The following ZBTB21 variants were observed in gnomAD, a reference collection of about 807,000 sequenced individuals.
ZBTB21 encodes the protein zinc finger and BTB domain-containing protein 21.
Under a neutral mutation model 39.8 loss-of-function variants are expected in ZBTB21, and 10 were observed. That is an observed-to-expected ratio of 0.25 (90% CI 0.16 to 0.43). The LOEUF (loss-of-function observed/expected upper bound fraction) is 0.43. ZBTB21 is among the 20% of genes least tolerant of loss of function. The pLI, the probability that ZBTB21 is intolerant of heterozygous loss-of-function variation, is 1.00. For missense variants in ZBTB21, 1,221 were observed against 1,296.3 expected, an observed-to-expected ratio of 0.94 and a Z score of 0.89; for synonymous variants, 551 against 498.8, an observed-to-expected ratio of 1.10 and a Z score of -1.40.
rs752582759 is a variant in ZBTB21, at chr21:41,992,119, C to T, written c.1977G>A (p.Lys659=). The T allele has an allele frequency of 5.1e-5, 83 of 1,614,082 alleles. No individual in the cohort carries two copies. Among genetic ancestry groups the T allele is most frequent in the Non-Finnish European group, 6.5e-5 (77 of 1,180,016 alleles). Residue 659 remains lysine (K), a synonymous_variant, in exon 3 of 3, where the codon AAG becomes AAA. Transcript: ENST00000310826. This position sits in a 1 kb window ranked among gnomAD's most constrained non-coding sequence, Gnocchi z 4.1. ...QSSSQAQQVI[K]RNLRSRAKGA... is the part of the protein sequence containing the mutation. ...CTTTGGCTCGAGATCTCAAGTTCCT[C>T]TTGATGACTTGCTGTGCTTGGGAGC...
chr21:41,997,575 C>CAAAAAAAAAAAAACAA (rs2065764079), intron 2 of ZBTB21, among the ~76,000 whole-genome samples: 1 of 117,860 alleles, frequency 8.5e-6, no homozygotes, highest in Non-Finnish European at 1.8e-5. Flanking sequence ...GACGTTGTCT[C>CAAAAAAAAAAAAACAA]AAAAAAAAAA....
rs1337773185 is a variant in ZBTB21 at position 41,990,384 on chromosome 21, G to T, written c.*511C>A. 1.3e-5 allele frequency: 2 copies of T among 152,526 alleles called. No individual in the cohort carries two copies. Among genetic ancestry groups the T allele is most frequent in the Non-Finnish European group, 2.9e-5 (2 of 68,016 alleles). The allele number at this position is 152,526 out of a possible 1,614,324, so 9.4% of individuals were successfully genotyped here. ...AATATTTATTTTTATCAAGTGTCAG[G>T]ATAACTTATTAAAGTTGAGATTTAT... On this transcript the variant is annotated 3_prime_UTR_variant, in exon 3 of 3. Coordinates refer to ENST00000310826, the MANE Select transcript of ZBTB21 (RefSeq NM_001098402.2).
rs1170489222 is a variant in ZBTB21, at chr21:41,992,769, T to C, written c.1327A>G (p.Ile443Val). ...GCATCTCCCACAGTGACGCGGATGA[T>C]GTCCGAGGGGTCCGACAGCGGGCTG... is the stretch of plus-strand genomic sequence containing the variant. Reference protein sequence around the residue: ...PSSPLSDPSDIIRVTVGDAAT... With the variant: ...PSSPLSDPSDVIRVTVGDAAT... Residue 443 changes from isoleucine (I) to valine (V), a missense_variant, in exon 3 of 3, where the codon ATC (isoleucine) becomes GTC (valine). Coordinates refer to ENST00000310826, the MANE Select transcript of ZBTB21 (RefSeq NM_001098402.2). The surrounding 1 kb of genome is among the most constrained non-coding windows in gnomAD (Gnocchi z 4.1). 28 of 1,614,022 alleles carry C rather than the reference T, an allele frequency of 1.7e-5. No individual in the cohort carries two copies. The highest frequency in any genetic ancestry group is 2.3e-5 in the Non-Finnish European group (27 of 1,180,042).
chr21:41,998,069 T>G (rs568400608), intron 2 of ZBTB21, among the ~76,000 whole-genome samples: 1 of 152,136 alleles, frequency 6.6e-6, no homozygotes, highest in Non-Finnish European at 1.5e-5. Flanking sequence ...TCAAAGAAAG[T>G]GGGCAGATTA....
At chr21:41,996,071 A>G (rs987446043) in intron 2 of ZBTB21, among the ~76,000 whole-genome samples, 3 of 152,236 alleles carry the variant, frequency 2.0e-5, no homozygotes, top group African/African-American at 7.2e-5. Flanking sequence ...GCAGGGCCCC[A>G]TGGAGAAACT....
rs2065620167 is a variant in ZBTB21, at chr21:41,989,347, A to G, written c.*1548T>C. 1 of 149,996 alleles carries G rather than the reference A, an allele frequency of 6.7e-6. No homozygotes were observed. The allele number at this position is 149,996 out of a possible 1,614,324, so 9.3% of individuals were successfully genotyped here. On this transcript the variant is annotated 3_prime_UTR_variant, in exon 3 of 3. Coordinates refer to ENST00000310826, the MANE Select transcript of ZBTB21 (RefSeq NM_001098402.2). ...TGTTGGCAATAAGATTGATGGGTACAGAGTTATTTTCTGCTAGAGCACAAA... is the reference window on the plus strand; with the variant it reads ...TGTTGGCAATAAGATTGATGGGTACGGAGTTATTTTCTGCTAGAGCACAAA...
intron 1 of ZBTB21, among the ~76,000 whole-genome samples, chr21:42,007,587 CT>C (rs141585115): frequency 0.048 from 7,274 of 152,312 alleles, 238 homozygotes; most frequent in Middle Eastern, 0.085. Context: ...TAATTTGCCC[CT>C]AGCCAGCAGC....
At chr21:41,996,413 C>T (rs1037733743) in intron 2 of ZBTB21, among the ~76,000 whole-genome samples, 1 of 152,168 alleles carries the variant, frequency 6.6e-6, no homozygotes, top group Non-Finnish European at 1.5e-5. Context: ...ATTTGACTGT[C>T]CTGCTGAATT....
rs527737448 is a variant in ZBTB21, at chr21:41,987,086, T to C, written c.*3809A>G. On this transcript the variant is annotated 3_prime_UTR_variant, in exon 3 of 3. Coordinates refer to ENST00000310826, the MANE Select transcript of ZBTB21 (RefSeq NM_001098402.2). ...TTTTCTTTTAACCATAAGCATATAT[T>C]CAATGGAAAACTTGAAATAGCCTTG... The C allele has an allele frequency of 2.6e-5, 4 of 152,728 alleles. No homozygotes were observed. In the South Asian group the frequency reaches 8.3e-4, roughly 32 times the overall value. 9.5% of individuals were successfully genotyped at this position (152,728 alleles called of 1,614,324 possible).
intron 1 of ZBTB21, among the ~76,000 whole-genome samples, chr21:42,007,342 C>T (rs912278290): frequency 6.6e-6 from 1 of 152,212 alleles, no homozygotes; most frequent in African/African-American, 2.4e-5. Context: ...CTTTGGAGTA[C>T]TGTACTGATT....
Position 41,990,203 on chromosome 21 carries a change from C to A in ZBTB21, c.*692G>T, listed in dbSNP as rs1033050483. 6 of 152,586 alleles carry A rather than the reference C, an allele frequency of 3.9e-5. No homozygotes were observed. Among genetic ancestry groups the A allele is most frequent in the African/African-American group, 1.4e-4 (6 of 41,460 alleles). The allele number at this position is 152,586 out of a possible 1,614,324, so 9.5% of individuals were successfully genotyped here. On this transcript the variant is annotated 3_prime_UTR_variant, in exon 3 of 3. Transcript: ENST00000310826. The stretch of plus-strand genomic sequence containing the variant: ...GTAGGGGACTTCCATAAATTGTTTT[C>A]ATTTCCCAGGTCTTCCTTAGAGTTT...
rs140576114 is a variant in ZBTB21, at chr21:41,991,164, G to C, written c.2932C>G (p.Pro978Ala). ...GGTGGTGGAGAGGGAGAGTTTGTGG[G>C]AACAGGGCACACCTCAGATTCCTTA... ...AHKESEVCPV[P>A]TNSPSPPPLP... Residue 978 changes from proline (P) to alanine (A), a missense_variant, in exon 3 of 3, where the codon CCC (proline) becomes GCC (alanine). Transcript: ENST00000310826. This position sits in a 1 kb window ranked among gnomAD's most constrained non-coding sequence, Gnocchi z 4.9. 119 of 1,614,140 alleles carry C rather than the reference G, an allele frequency of 7.4e-5. No homozygotes were observed. Among genetic ancestry groups the C allele is most frequent in the Admixed American group, 2.0e-4 (12 of 60,020 alleles).
At chr21:42,001,906 G>A (rs1601651082) in intron 2 of ZBTB21, among the ~76,000 whole-genome samples, 1 of 152,226 alleles carries the variant, frequency 6.6e-6, no homozygotes, top group Non-Finnish European at 1.5e-5. Context: ...ATTCACATCA[G>A]CTGGCTGGGC....
Position 41,988,935 on chromosome 21 carries a change from TTC to T in ZBTB21, c.*1958_*1959del, listed in dbSNP as rs1411050383. On this transcript the variant is annotated 3_prime_UTR_variant, in exon 3 of 3. Coordinates refer to ENST00000310826, the MANE Select transcript of ZBTB21 (RefSeq NM_001098402.2). ...GTGATGATTACTCAGGGAAACTGTC[TTC>T]TTTTGAAGTGACAGCTACCAAGATG... 3.3e-5 allele frequency: 5 copies of T among 152,140 alleles called. No individual in the cohort carries two copies. The highest frequency in any genetic ancestry group is 3.3e-4 in the Admixed American group (5 of 15,272). The allele number at this position is 152,140 out of a possible 1,614,324, so 9.4% of individuals were successfully genotyped here. A position where few individuals can be genotyped will look rare whatever the true frequency, so the allele number is the denominator to read the frequency against.
At position 41,999,917 on chromosome 21, in the gene ZBTB21, G is replaced by A. The variant is rs76684571; in HGVS notation, c.-14+2980C>T. 1.1e-3 allele frequency among the ~76,000 whole-genome samples: 160 copies of A among 152,344 alleles called. 3 individuals are homozygous for A. In the East Asian group the frequency reaches 0.021, roughly 20 times the overall value. On this transcript the variant is annotated intron_variant, in intron 2 of 2. Transcript: ENST00000310826. Reference sequence around the variant, plus strand: ...GGACAGCCATTGAAGATTCTGAGCAGAGGAATGACAAAGACCTGAATTACA... The same window carrying A: ...GGACAGCCATTGAAGATTCTGAGCAAAGGAATGACAAAGACCTGAATTACA...
Position 41,990,951 on chromosome 21 carries a change from G to T in ZBTB21, c.3145C>A (p.His1049Asn). ...FKRQFMCKLC[H>N]RTFKTAFSLW... ...CTAAATGCAGTCTTGAATGTCCTGT[G>T]GCAAAGTTTACACATAAACTGTCTT... is the stretch of plus-strand genomic sequence containing the variant. The change falls in exon 3 of 3, where the codon CAC becomes AAC. Residue 1049 changes from histidine to asparagine, a missense_variant. Coordinates refer to ENST00000310826, the MANE Select transcript of ZBTB21 (RefSeq NM_001098402.2). The T allele has an allele frequency of 6.6e-7, 1 of 1,515,290 alleles. No individual in the cohort carries two copies. The allele number at this position is 1,515,290 out of a possible 1,614,324, so 93.9% of individuals were successfully genotyped here.
chr21:41,989,684 T>C lies in ZBTB21; in HGVS notation c.*1211A>G, dbSNP rs914488734. The C allele has an allele frequency of 3.3e-5, 5 of 152,200 alleles. No individual in the cohort carries two copies. In the East Asian group the frequency reaches 9.6e-4, roughly 29 times the overall value. The allele number at this position is 152,200 out of a possible 1,614,324, so 9.4% of individuals were successfully genotyped here. On this transcript the variant is annotated 3_prime_UTR_variant, in exon 3 of 3. Transcript: ENST00000310826. ...ACCACTGATAGTGCTCTAATACCTA[T>C]TTTTGAAATATTAAGCAATGATGTA...
chr21:41,996,699 G>A (rs1033035137), intron 2 of ZBTB21, among the ~76,000 whole-genome samples: 1 of 152,180 alleles, frequency 6.6e-6, no homozygotes, highest in African/African-American at 2.4e-5. Context: ...TTTGGGAGGG[G>A]CCCAGGGTGG....
Position 41,992,112 on chromosome 21 carries a change from A to G in ZBTB21, c.1984T>C (p.Leu662=). Residue 662 remains leucine, a synonymous_variant, in exon 3 of 3, where the codon TTG becomes CTG. Transcript: ENST00000310826. The surrounding 1 kb of genome is among the most constrained non-coding windows in gnomAD (Gnocchi z 4.1). ...SQAQQVIKRN[L]RSRAKGAYIC... Reference sequence around the variant, plus strand: ...TAAGCTCCTTTGGCTCGAGATCTCAAGTTCCTCTTGATGACTTGCTGTGCT... The same window carrying G: ...TAAGCTCCTTTGGCTCGAGATCTCAGGTTCCTCTTGATGACTTGCTGTGCT... 6.2e-7 allele frequency: 1 copy of G among 1,614,066 alleles called. No homozygotes were observed.
Sources: allele counts gnomAD v4.1 joint callset (sites outside exome capture counted in the v4.1 genomes callset), GRCh38; gene constraint gnomAD v4.1.1; non-coding constraint Gnocchi (gnomAD v3.1); transcripts MANE v1.5; gene names NCBI Gene and HGNC (gene_info 2026-07-23, HGNC 2026-07-21).